The following HS3ST4 variants were observed in gnomAD, a reference collection of about 807,000 sequenced individuals.
HS3ST4 encodes the protein heparan sulfate-glucosamine 3-sulfotransferase 4.
In HS3ST4, 17 loss-of-function variants were observed where a neutral mutation model predicts 29.2. The ratio of observed to expected loss-of-function variants is 0.58; its 90% CI spans 0.40 to 0.87. The LOEUF is 0.87. Ranked by LOEUF, HS3ST4 falls within the 40% of genes least tolerant of loss-of-function variation. HS3ST4 has a pLI of 0.00. For missense variants in HS3ST4, 627 were observed against 634.5 expected, an observed-to-expected ratio of 0.99 and a Z score of 0.13; for synonymous variants, 314 against 285.7, an observed-to-expected ratio of 1.10 and a Z score of -1.00.
chr16:26,013,817 G>A (rs1338304827), intron 1 of HS3ST4, among the ~76,000 whole-genome samples: 1 of 151,916 alleles, frequency 6.6e-6, no homozygotes, highest in Non-Finnish European at 1.5e-5. Flanking sequence ...AGACCATCCT[G>A]GCCAACATGG....
At chr16:26,033,890 A>G (rs553437378) in intron 1 of HS3ST4, among the ~76,000 whole-genome samples, 1 of 152,310 alleles carries the variant, frequency 6.6e-6, no homozygotes, top group African/African-American at 2.4e-5. Flanking sequence ...CAAAGATAGT[A>G]TGAAGGCTGC....
rs867467138 is a variant in HS3ST4 at position 25,828,295 on chromosome 16, T to C, written c.734+135144T>C. 4.3e-3 allele frequency among the ~76,000 whole-genome samples: 296 copies of C among 68,168 alleles called. 21 individuals are homozygous for C. Among genetic ancestry groups the C allele is most frequent in the South Asian group, 0.02 (33 of 1,628 alleles). 44.7% of individuals were successfully genotyped at this position (68,168 alleles called of 152,430 possible). A position where few individuals can be genotyped will look rare whatever the true frequency, so the allele number is the denominator to read the frequency against. On this transcript the variant is annotated intron_variant, in intron 1 of 1. Coordinates refer to ENST00000331351, the MANE Select transcript of HS3ST4 (RefSeq NM_006040.3). ...TTCTTTCTTTCTTTCTTTCTTTCTTTCTTTCCCTCTCTCTCTCTCTCTCTC... is the reference window on the plus strand; with the variant it reads ...TTCTTTCTTTCTTTCTTTCTTTCTTCCTTTCCCTCTCTCTCTCTCTCTCTC...
intron 1 of HS3ST4, among the ~76,000 whole-genome samples, chr16:26,120,885 C>T (rs1374308757): frequency 2.6e-5 from 4 of 152,176 alleles, no homozygotes; most frequent in Admixed American, 6.5e-5. Flanking sequence ...GGCACAGGTC[C>T]TAAGATTACA....
chr16:26,102,859 G>T (rs776866064), intron 1 of HS3ST4, among the ~76,000 whole-genome samples: 1 of 152,202 alleles, frequency 6.6e-6, no homozygotes, highest in South Asian at 2.1e-4. Flanking sequence ...TTGGACAAGG[G>T]GAGGAAAGAT....
chr16:25,762,780 G>A (rs1966796116), intron 1 of HS3ST4, among the ~76,000 whole-genome samples: 2 of 145,680 alleles, frequency 1.4e-5, no homozygotes, highest in African/African-American at 5.0e-5. Flanking sequence ...GGGATGCTGA[G>A]ATGGGAGGAT....
chr16:25,939,078 A>G (rs1968547067), intron 1 of HS3ST4, among the ~76,000 whole-genome samples: 1 of 152,052 alleles, frequency 6.6e-6, no homozygotes, highest in Non-Finnish European at 1.5e-5. Context: ...TCGTTTAACC[A>G]CTATTAATTG....
chr16:25,720,954 T>C (rs921122972), intron 1 of HS3ST4, among the ~76,000 whole-genome samples: 3 of 152,210 alleles, frequency 2.0e-5, no homozygotes, highest in African/African-American at 7.2e-5. Context: ...AGTCCAACCA[T>C]GAGTCATCTT....
intron 1 of HS3ST4, among the ~76,000 whole-genome samples, chr16:25,769,229 C>G (rs1966839037): frequency 6.6e-6 from 1 of 152,002 alleles, no homozygotes; most frequent in Admixed American, 6.6e-5. Flanking sequence ...GAAGGTCTCT[C>G]TGTGTGTGTA....
intron 1 of HS3ST4, among the ~76,000 whole-genome samples, chr16:26,096,595 T>C (rs1281605222): frequency 6.6e-6 from 1 of 152,138 alleles, no homozygotes; most frequent in African/African-American, 2.4e-5. Flanking sequence ...AGAACGTATC[T>C]CAAAATAATA....
intron 1 of HS3ST4, among the ~76,000 whole-genome samples, chr16:25,715,904 G>T (rs1342775520): frequency 6.6e-6 from 1 of 152,164 alleles, no homozygotes; most frequent in African/African-American, 2.4e-5. Flanking sequence ...TATATCCAGA[G>T]AGCAATTCCC....
At chr16:25,788,443 A>G (rs1966860969) in intron 1 of HS3ST4, among the ~76,000 whole-genome samples, 1 of 150,618 alleles carries the variant, frequency 6.6e-6, no homozygotes, top group Non-Finnish European at 1.5e-5. Context: ...ATTACAATTC[A>G]GTAAGTCTCT....
At chr16:25,771,240 T>G (rs1210398023) in intron 1 of HS3ST4, among the ~76,000 whole-genome samples, 2 of 152,114 alleles carry the variant, frequency 1.3e-5, no homozygotes, top group Non-Finnish European at 2.9e-5. Context: ...ACATGTGGTG[T>G]TCAGTTTTTC....
intron 1 of HS3ST4, among the ~76,000 whole-genome samples, chr16:26,026,650 A>C (rs2141750719): frequency 1.3e-5 from 2 of 152,192 alleles, no homozygotes; most frequent in Non-Finnish European, 2.9e-5. Flanking sequence ...GAGAAAGGAA[A>C]CCTTTCCCAG....
chr16:25,908,817 T>TAAAG (rs1447645026), intron 1 of HS3ST4, among the ~76,000 whole-genome samples: 5 of 152,184 alleles, frequency 3.3e-5, no homozygotes, highest in Admixed American at 6.5e-5. Flanking sequence ...AAAAGAAGCC[T>TAAAG]TAACAACCAA....
intron 1 of HS3ST4, among the ~76,000 whole-genome samples, chr16:26,130,597 A>G (rs1182417456): frequency 6.6e-6 from 1 of 152,184 alleles, no homozygotes; most frequent in African/African-American, 2.4e-5. Flanking sequence ...ACATTATTCT[A>G]AGCCCTGTAA....
chr16:26,095,416 C>G (rs1363297724), intron 1 of HS3ST4, among the ~76,000 whole-genome samples: 3 of 152,222 alleles, frequency 2.0e-5, no homozygotes, highest in Non-Finnish European at 4.4e-5. Context: ...AACAAACTGT[C>G]TCTCAGACCA....
chr16:25,885,087 C>G (rs1229324997), intron 1 of HS3ST4, among the ~76,000 whole-genome samples: 2 of 152,232 alleles, frequency 1.3e-5, no homozygotes, highest in African/African-American at 4.8e-5. Context: ...TAACCACTCA[C>G]TGCTTTTCAA....
chr16:26,070,704 C>A (rs564803714), intron 1 of HS3ST4, among the ~76,000 whole-genome samples: 1 of 152,314 alleles, frequency 6.6e-6, no homozygotes, highest in African/African-American at 2.4e-5. Context: ...ATTGAAACAA[C>A]TCCATTTTCT....
chr16:25,899,584 C>A (rs1318769623), intron 1 of HS3ST4, among the ~76,000 whole-genome samples: 1 of 152,032 alleles, frequency 6.6e-6, no homozygotes, highest in Non-Finnish European at 1.5e-5. Flanking sequence ...CAGCTCACTG[C>A]AACCTCTGCC....
Sources: allele counts gnomAD v4.1 joint callset (sites outside exome capture counted in the v4.1 genomes callset), GRCh38; gene constraint gnomAD v4.1.1; transcripts MANE v1.5; gene names NCBI Gene and HGNC (gene_info 2026-07-23, HGNC 2026-07-21).